The following RIN3 variants were observed in gnomAD, a reference collection of about 807,000 sequenced individuals.
RIN3 encodes Ras and Rab interactor 3, also known as RAB5 interacting protein 3.
Under a neutral mutation model 76.3 loss-of-function variants are expected in RIN3, and 54 were observed. The observed-to-expected ratio is 0.71, with a 90% CI of 0.57 to 0.89. The LOEUF is 0.89. Among genes scored for constraint, RIN3 ranks in the 40% least tolerant of loss-of-function variants. The pLI is 0.00. For synonymous variants in RIN3, 576 were observed against 564.0 expected (o/e 1.02, Z -0.30); for missense variants, 1,256 against 1,322.1 (o/e 0.95, Z 0.78).
chr14:92,688,079 G>C lies in RIN3; in HGVS notation c.2785G>C (p.Gly929Arg), dbSNP rs368824511. 20 of 1,606,022 alleles carry C rather than the reference G, an allele frequency of 1.2e-5. No individual in the cohort carries two copies. The highest frequency in any genetic ancestry group is 1.4e-5 in the Non-Finnish European group (17 of 1,177,418). Residue 929 changes from glycine (G) to arginine (R), a missense_variant, in exon 10 of 10, where the codon GGG (glycine) becomes CGG (arginine). Physicochemically the swap from Gly to Arg is moderately radical, Grantham distance 125. Around this residue, in one of 3 missense-constraint regions of RIN3, gnomAD observed 218 missense variants for 174.5 expected, o/e 1.25. Transcript: ENST00000216487. ...GCACCGGCTGTTCGTGCTGGTGGAC[G>C]GGCGCTGCTTCCAGCTGGCGGACGA... ...QAHRLFVLVD[G>R]RCFQLADDAL...
At chr14:92,533,382 A>G (rs1236773101) in intron 1 of RIN3, among the ~76,000 whole-genome samples, 1 of 152,242 alleles carries the variant, frequency 6.6e-6, no homozygotes, top group Admixed American at 6.5e-5. Context: ...GAGGAAGAGA[A>G]GTCATTATAC....
intron 1 of RIN3, among the ~76,000 whole-genome samples, chr14:92,542,199 G>T (rs1897145158): frequency 6.6e-6 from 1 of 151,962 alleles, no homozygotes; most frequent in African/African-American, 2.4e-5. Flanking sequence ...AAGGTGGGAG[G>T]ATCACTTGAG....
chr14:92,634,211 A>T (rs1886694511), intron 4 of RIN3, among the ~76,000 whole-genome samples: 2 of 151,238 alleles, frequency 1.3e-5, no homozygotes, highest in Admixed American at 1.3e-4. Context: ...CATAGCTGGG[A>T]TTACAGGCAC....
At chr14:92,545,165 A>G (rs770450097) in intron 1 of RIN3, among the ~76,000 whole-genome samples, 52 of 126,184 alleles carry the variant, frequency 4.1e-4, no homozygotes, top group Non-Finnish European at 7.1e-4. Context: ...GCTGGAGTGC[A>G]GTGGCACAGT....
At position 92,652,246 on chromosome 14, in the gene RIN3, C is replaced by T; in HGVS notation, c.1197C>T (p.Asp399=). 1.2e-6 allele frequency: 2 copies of T among 1,610,976 alleles called. No homozygotes were observed. Among genetic ancestry groups the T allele is most frequent in the Non-Finnish European group, 1.7e-6 (2 of 1,177,998 alleles). ...RRVSERVSLE[D]QSPGMAAEGD... ...TTTCCGAGAGGGTGTCCTTAGAAGA[C>T]CAAAGTCCGGGGATGGCGGCAGAGG... Residue 399 remains aspartate (D), a synonymous_variant, in exon 6 of 10, where the codon GAC becomes GAT. Transcript: ENST00000216487. This position sits in a 1 kb window ranked among gnomAD's most constrained non-coding sequence, Gnocchi z 6.4.
chr14:92,577,691 G>A (rs7159046), intron 3 of RIN3, among the ~76,000 whole-genome samples: 39,234 of 152,108 alleles, frequency 0.26, 5,425 homozygotes, highest in African/African-American at 0.33. Flanking sequence ...CACCCTCGTC[G>A]CAGCTGGGTG....
intron 8 of RIN3, among the ~76,000 whole-genome samples, chr14:92,680,008 T>C (rs921740269): frequency 6.6e-6 from 1 of 152,120 alleles, no homozygotes; most frequent in Non-Finnish European, 1.5e-5. Flanking sequence ...TTTGGGATGC[T>C]TAATAAAATA....
At chr14:92,615,619 C>T (rs1885929054) in intron 4 of RIN3, 140 bp downstream of exon 4, 1 of 707,092 alleles carries the variant, frequency 1.4e-6, no homozygotes, top group Admixed American at 2.2e-5. Context: ...GGCACAGGCC[C>T]CTCTGGGAAC....
intron 5 of RIN3, chr14:92,644,485 GGA>G (rs1887126862): frequency 6.6e-6 from 1 of 152,046 alleles, no homozygotes; most frequent in African/African-American, 2.4e-5. Flanking sequence ...TTCTCTCCTG[GGA>G]GAGTTTGATC....
intron 4 of RIN3, among the ~76,000 whole-genome samples, chr14:92,625,874 T>C (rs1052735462): frequency 2.0e-5 from 3 of 152,214 alleles, no homozygotes; most frequent in Non-Finnish European, 4.4e-5. Context: ...ACATATACTT[T>C]TTGGGCTTCT....
At chr14:92,525,747 C>T (rs987371994) in intron 1 of RIN3, among the ~76,000 whole-genome samples, 2 of 152,208 alleles carry the variant, frequency 1.3e-5, no homozygotes, top group Non-Finnish European at 2.9e-5. Flanking sequence ...GCGTCAGGCC[C>T]TGGAGCCCCG....
At chr14:92,664,301 G>A (rs1473340163) in intron 7 of RIN3, among the ~76,000 whole-genome samples, 1 of 151,414 alleles carries the variant, frequency 6.6e-6, no homozygotes, top group African/African-American at 2.4e-5. Flanking sequence ...CAGGACACCT[G>A]CAGACCCTTT....
At chr14:92,609,383 C>T (rs1297091923) in intron 3 of RIN3, among the ~76,000 whole-genome samples, 1 of 152,164 alleles carries the variant, frequency 6.6e-6, no homozygotes, top group African/African-American at 2.4e-5. Context: ...CCTTGGAGTG[C>T]ATTGGGTTCG....
chr14:92,585,440 A>G (rs1595436051), intron 3 of RIN3, among the ~76,000 whole-genome samples: 1 of 152,280 alleles, frequency 6.6e-6, no homozygotes, highest in Admixed American at 6.5e-5. Flanking sequence ...AAACGTCCCC[A>G]TAGTCCAGTG....
rs781331474 is a variant in RIN3 at position 92,652,273 on chromosome 14, G to T, written c.1224G>T (p.Gly408=). The T allele has an allele frequency of 6.2e-7, 1 of 1,611,202 alleles. No homozygotes were observed. Among genetic ancestry groups the T allele is most frequent in the Non-Finnish European group, 8.5e-7 (1 of 1,178,212 alleles). ...EDQSPGMAAE[G]DQLSLPPQGT... ...AAAGTCCGGGGATGGCGGCAGAGGG[G>T]GACCAGCTCAGCCTGCCTCCCCAAG... Residue 408 remains glycine, a synonymous_variant, in exon 6 of 10, where the codon GGG becomes GGT. Coordinates refer to ENST00000216487, the MANE Select transcript of RIN3 (RefSeq NM_024832.5). The surrounding 1 kb of genome is among the most constrained non-coding windows in gnomAD (Gnocchi z 6.4).
intron 4 of RIN3, among the ~76,000 whole-genome samples, chr14:92,640,991 A>G (rs1350725130): frequency 6.6e-6 from 1 of 151,926 alleles, no homozygotes; most frequent in African/African-American, 2.4e-5. Flanking sequence ...ACCAAGGAGA[A>G]GCAGTGACCC....
At position 92,659,342 on chromosome 14, in the gene RIN3, G is replaced by T; in HGVS notation, c.2208G>T (p.Val736=). ...DLGVTTSVPE[V]PMMEKILQKF... ...GTGTGACCACCAGCGTGCCGGAGGT[G>T]CCCATGATGGAGAAGATCCTGCAGA... Residue 736 remains valine, a synonymous_variant, in exon 7 of 10, where the codon GTG becomes GTT. Transcript: ENST00000216487. 6.2e-7 allele frequency: 1 copy of T among 1,612,140 alleles called. No individual in the cohort carries two copies. Among genetic ancestry groups the T allele is most frequent in the Non-Finnish European group, 8.5e-7 (1 of 1,178,982 alleles).
rs1318258623 is a variant in RIN3 at position 92,659,272 on chromosome 14, A to C, written c.2138A>C (p.Lys713Thr). Residue 713 changes from lysine to threonine, a missense_variant, in exon 7 of 10, where the codon AAG becomes ACG. Coordinates refer to ENST00000216487, the MANE Select transcript of RIN3 (RefSeq NM_024832.5). ...AAGGATGGTTCGCTGCAGCAGCTCA[A>C]GGAGAACCAGTTAGTGATCCTGGCC... ...HSKDGSLQQL[K>T]ENQLVILATT... is the part of the protein sequence containing the mutation. 1.9e-6 allele frequency: 3 copies of C among 1,614,014 alleles called. No individual in the cohort carries two copies. In the South Asian group the frequency reaches 3.3e-5, roughly 18 times the overall value.
At chr14:92,578,099 G>A (rs1279810029) in intron 3 of RIN3, among the ~76,000 whole-genome samples, 1 of 151,972 alleles carries the variant, frequency 6.6e-6, no homozygotes, top group Non-Finnish European at 1.5e-5. Flanking sequence ...AGCCAGGTGT[G>A]GTGGCATGCA....
Sources: gnomAD v4.1 joint callset for allele counts (sites outside exome capture counted in the v4.1 genomes callset) on GRCh38, gnomAD v4.1.1 for gene constraint, gnomAD v4.1.1 regional missense constraint, Gnocchi (gnomAD v3.1) non-coding constraint, MANE v1.5 for transcripts, NCBI Gene and HGNC (gene_info 2026-07-23, HGNC 2026-07-21) for gene names.